The following NALCN variants were observed in gnomAD, a reference collection of about 807,000 sequenced individuals.
The protein encoded by NALCN is sodium leak channel NALCN.
Under a neutral mutation model 225.3 loss-of-function variants are expected in NALCN, and 111 were observed. That is an observed-to-expected ratio of 0.49 (90% confidence interval 0.42 to 0.58). NALCN has a LOEUF of 0.58. Ranked by LOEUF, NALCN falls within the 20% of genes least tolerant of loss-of-function variation. NALCN has a pLI of 0.00. For synonymous variants in NALCN, 764 were observed against 769.0 expected, an observed-to-expected ratio of 0.99 and a Z score of 0.11; for missense variants, 1,378 against 2,202.4, an observed-to-expected ratio of 0.63 and a Z score of 7.49.
intron 39 of NALCN, among the ~76,000 whole-genome samples, chr13:101,066,317 A>C (rs1356922847): frequency 6.6e-6 from 1 of 151,958 alleles, no homozygotes; most frequent in African/African-American, 2.4e-5. Context: ...TCAAAAAAAA[A>C]AAAAAAAGAG....
chr13:101,111,721 G>A (rs1336923873), intron 18 of NALCN, among the ~76,000 whole-genome samples: 2 of 152,182 alleles, frequency 1.3e-5, no homozygotes, highest in Non-Finnish European at 2.9e-5. Flanking sequence ...AAAAAGGGGA[G>A]TTTCCCTGTA....
chr13:101,323,963 G>A lies in NALCN; in HGVS notation c.799+21303C>T, dbSNP rs73565199. Among the ~76,000 whole-genome samples, 511 of 152,268 alleles carry A rather than the reference G, an allele frequency of 3.4e-3. 1 individual carries two copies. Among genetic ancestry groups the A allele is most frequent in the African/African-American group, 0.012 (478 of 41,556 alleles). On this transcript the variant is annotated intron_variant, in intron 7 of 43. Coordinates refer to ENST00000251127, the MANE Select transcript of NALCN (RefSeq NM_052867.4). Reference sequence around the variant, plus strand: ...TGAGATAGGTTCCTCTATGTAGAGAGGCACTGAATAAGCAGAATAAACACC... The same window carrying A: ...TGAGATAGGTTCCTCTATGTAGAGAAGCACTGAATAAGCAGAATAAACACC...
chr13:101,185,062 TTTC>T lies in NALCN; in HGVS notation c.1764+6852_1764+6854del, dbSNP rs563467011. On this transcript the variant is annotated intron_variant, in intron 14 of 43. Coordinates refer to ENST00000251127, the MANE Select transcript of NALCN (RefSeq NM_052867.4). Reference sequence around the variant, plus strand: ...AATCAATGTCCCACACTCTTGTGTTTTTCTTTTCCTGTTTACCATTTATAATCA... The same window carrying T: ...AATCAATGTCCCACACTCTTGTGTTTTTTTCCTGTTTACCATTTATAATCA... Among the ~76,000 whole-genome samples, 36 of 152,260 alleles carry T rather than the reference TTTC, an allele frequency of 2.4e-4. No individual in the cohort carries two copies. In the Middle Eastern group the frequency reaches 0.017, roughly 72 times the overall value.
intron 15 of NALCN, among the ~76,000 whole-genome samples, chr13:101,168,358 C>A (rs1489426337): frequency 1.3e-5 from 2 of 152,136 alleles, no homozygotes; most frequent in Admixed American, 1.3e-4. Context: ...GACATTGTCT[C>A]ATAGATATTT....
At chr13:101,237,657 A>G in intron 12 of NALCN, 98 bp downstream of exon 12, 1 of 524,734 alleles carries the variant, frequency 1.9e-6, no homozygotes, top group Non-Finnish European at 2.9e-6. Context: ...ATATATAAAT[A>G]TTATATATAA....
intron 41 of NALCN, among the ~76,000 whole-genome samples, chr13:101,060,905 G>C (rs1217377653): frequency 6.6e-6 from 1 of 152,188 alleles, no homozygotes. Context: ...GACATCACTG[G>C]GCAGCTGGCC....
intron 10 of NALCN, among the ~76,000 whole-genome samples, chr13:101,273,508 CAT>C (rs1003593327): frequency 7.9e-5 from 12 of 152,240 alleles, no homozygotes; most frequent in South Asian, 2.1e-4. Flanking sequence ...GAAAAAGGCA[CAT>C]GTGTCAAGCA....
intron 11 of NALCN, among the ~76,000 whole-genome samples, chr13:101,253,610 TA>T (rs1254110370): frequency 3.9e-5 from 6 of 152,230 alleles, no homozygotes; most frequent in Non-Finnish European, 7.3e-5. Flanking sequence ...TTGTCAGTAT[TA>T]AAATATTTGA....
chr13:101,320,143 A>G (rs1337995552), intron 7 of NALCN, among the ~76,000 whole-genome samples: 2 of 152,202 alleles, frequency 1.3e-5, no homozygotes, highest in African/African-American at 2.4e-5. Context: ...TTAGTGTACT[A>G]AAATCTACCT....
At chr13:101,208,544 T>G (rs972673670) in intron 13 of NALCN, among the ~76,000 whole-genome samples, 1 of 152,198 alleles carries the variant, frequency 6.6e-6, no homozygotes, top group Non-Finnish European at 1.5e-5. Flanking sequence ...TTGTTACATG[T>G]TGTTTGAGTG....
At chr13:101,154,721 G>A (rs1349495697) in intron 15 of NALCN, among the ~76,000 whole-genome samples, 4 of 152,140 alleles carry the variant, frequency 2.6e-5, no homozygotes, top group Non-Finnish European at 5.9e-5. Flanking sequence ...CCCATCAACA[G>A]GCAGAAGAGG....
At position 101,346,028 on chromosome 13, in the gene NALCN, G is replaced by A. The variant is rs1416661784; in HGVS notation, c.645-608C>T. ...CTGGCCCACCCAACTGTGGTAATTG[G>A]TAATATATATATGAGACCTTGAGAG... On this transcript the variant is annotated intron_variant, in intron 6 of 43. Transcript: ENST00000251127. Among the ~76,000 whole-genome samples the A allele has an allele frequency of 3.1e-5, 4 of 128,696 alleles. No homozygotes were observed. In the East Asian group the frequency reaches 9.7e-4, roughly 31 times the overall value. 84.4% of individuals were successfully genotyped at this position (128,696 alleles called of 152,430 possible).
At chr13:101,323,671 G>T (rs904504490) in intron 7 of NALCN, among the ~76,000 whole-genome samples, 2 of 152,080 alleles carry the variant, frequency 1.3e-5, no homozygotes, top group Admixed American at 1.3e-4. Flanking sequence ...TTATTGGTTA[G>T]AATTTATAAC....
At chr13:101,206,589 T>A (rs1566429956) in intron 13 of NALCN, among the ~76,000 whole-genome samples, 1 of 151,478 alleles carries the variant, frequency 6.6e-6, no homozygotes, top group African/African-American at 2.4e-5. Context: ...TTCTCACTGA[T>A]GTTTAACTAT....
At chr13:101,178,902 T>G (rs2039075133) in intron 14 of NALCN, among the ~76,000 whole-genome samples, 1 of 152,146 alleles carries the variant, frequency 6.6e-6, no homozygotes, top group South Asian at 2.1e-4. Flanking sequence ...CGTTAGAGCT[T>G]TTTCAATAAT....
chr13:101,218,238 AG>A (rs2040813948), intron 13 of NALCN, among the ~76,000 whole-genome samples: 1 of 152,168 alleles, frequency 6.6e-6, no homozygotes, highest in Admixed American at 6.6e-5. Context: ...TTGCTAACAT[AG>A]GAAGACAACC....
At chr13:101,379,013 T>C (rs189554347) in intron 3 of NALCN, among the ~76,000 whole-genome samples, 1 of 152,206 alleles carries the variant, frequency 6.6e-6, no homozygotes, top group East Asian at 1.9e-4. Flanking sequence ...AAGAGTGCAC[T>C]GTGGTCAACA....
chr13:101,288,259 G>A (rs2043413941), intron 9 of NALCN, among the ~76,000 whole-genome samples: 1 of 152,126 alleles, frequency 6.6e-6, no homozygotes, highest in South Asian at 2.1e-4. Flanking sequence ...TCCCTGAAAT[G>A]CATTAATTGA....
intron 12 of NALCN, among the ~76,000 whole-genome samples, chr13:101,237,012 C>T (rs538267141): frequency 9.3e-5 from 14 of 150,680 alleles, no homozygotes; most frequent in African/African-American, 2.9e-4. Flanking sequence ...AAAATGACTA[C>T]ATTTGAGGTG....
Sources: allele counts gnomAD v4.1 joint callset (sites outside exome capture counted in the v4.1 genomes callset), GRCh38; gene constraint gnomAD v4.1.1; transcripts MANE v1.5; gene names NCBI Gene and HGNC (gene_info 2026-07-23, HGNC 2026-07-21).